MRC1: variants seen among roughly 807,000 people sequenced by gnomAD.
MRC1 encodes the protein mannose receptor C-type 1.
MRC1 carries 62 observed loss-of-function variants against 102.9 expected under a neutral mutation model. The observed-to-expected ratio is 0.60, with a 90% CI of 0.49 to 0.74. The LOEUF (loss-of-function observed/expected upper bound fraction) is 0.74, where lower values mean the gene tolerates loss of function less well. MRC1 is among the 30% of genes least tolerant of loss of function. The pLI, the probability that MRC1 is intolerant of heterozygous loss-of-function variation, is 0.00. For synonymous variants in MRC1, 457 were observed against 298.4 expected (o/e 1.53, Z -5.48); for missense variants, 1,237 against 862.8 (o/e 1.43, Z -5.43).
chr10:17,910,294 A>T lies in MRC1; in HGVS notation c.4200A>T (p.Leu1400Phe). 1.3e-6 allele frequency: 1 copy of T among 780,834 alleles called. No homozygotes were observed. Among genetic ancestry groups the T allele is most frequent in the East Asian group, 2.4e-5 (1 of 41,246 alleles). 48.4% of individuals were successfully genotyped at this position (780,834 alleles called of 1,614,324 possible). ...GVVIIVILLI[L>F]TGAGLAAYFF... Reference sequence around the variant, plus strand: ...TCATCATTGTGATCCTCCTGATTTTAACGGGTGCTGGCCTTGCCGCCTATT... The same window carrying T: ...TCATCATTGTGATCCTCCTGATTTTTACGGGTGCTGGCCTTGCCGCCTATT... The change falls in exon 30 of 30, where the codon TTA becomes TTT. Residue 1400 changes from leucine (L) to phenylalanine (F), a missense_variant. Transcript: ENST00000569591.
intron 9 of MRC1, among the ~76,000 whole-genome samples, chr10:17,858,332 G>A (rs1833125770): frequency 6.6e-6 from 1 of 152,058 alleles, no homozygotes; most frequent in Admixed American, 6.6e-5. Flanking sequence ...TGGATATGCT[G>A]GTGGTTCTCT....
intron 23 of MRC1, among the ~76,000 whole-genome samples, chr10:17,895,425 A>T (rs1833741067): frequency 6.6e-6 from 1 of 152,030 alleles, no homozygotes; most frequent in African/African-American, 2.4e-5. Flanking sequence ...TTTCTATTAG[A>T]AATTTGGGAT....
At position 17,909,174 on chromosome 10, in the gene MRC1, A is replaced by T. The variant is rs1449011110; in HGVS notation, c.4079-132A>T. 4.4e-6 allele frequency: 3 copies of T among 676,246 alleles called. No individual in the cohort carries two copies. The African/African-American group carries it at 5.5e-5, about 12-fold the overall frequency. 41.9% of individuals were successfully genotyped at this position (676,246 alleles called of 1,614,324 possible). ...TTCTACCTGTATTTTTATATCTATCATATCATAATATCATATATCAATCAA... is the reference window on the plus strand; with the variant it reads ...TTCTACCTGTATTTTTATATCTATCTTATCATAATATCATATATCAATCAA... On this transcript the variant is annotated intron_variant, in intron 28 of 29. Coordinates refer to ENST00000569591, the MANE Select transcript of MRC1 (RefSeq NM_002438.4).
chr10:17,817,578 T>C (rs981492775), intron 1 of MRC1, among the ~76,000 whole-genome samples: 4 of 152,102 alleles, frequency 2.6e-5, no homozygotes, highest in African/African-American at 9.7e-5. Context: ...TGTTGAAAAA[T>C]TAATGTGAAA....
chr10:17,831,987 T>C (rs1468971468), intron 3 of MRC1, among the ~76,000 whole-genome samples: 1 of 151,746 alleles, frequency 6.6e-6, no homozygotes, highest in East Asian at 1.9e-4. Flanking sequence ...CAACATTTGC[T>C]ATTGCTAAGC....
chr10:17,892,149 G>A (rs1252551796), intron 22 of MRC1, among the ~76,000 whole-genome samples: 5 of 152,196 alleles, frequency 3.3e-5, no homozygotes, highest in African/African-American at 7.2e-5. Flanking sequence ...ATGCTCTGTC[G>A]TATTTTAAAA....
intron 9 of MRC1, among the ~76,000 whole-genome samples, chr10:17,857,045 C>T (rs1339103642): frequency 1.3e-5 from 2 of 152,182 alleles, no homozygotes; most frequent in South Asian, 4.1e-4. Context: ...GAAGTAGAAA[C>T]TATTTTTTTC....
chr10:17,905,693 A>T (rs1833885638), intron 26 of MRC1, among the ~76,000 whole-genome samples: 1 of 152,126 alleles, frequency 6.6e-6, no homozygotes, highest in Non-Finnish European at 1.5e-5. Context: ...GTAGTCATGC[A>T]GTGAAAACAA....
chr10:17,908,365 C>T (rs1178037999), intron 28 of MRC1, among the ~76,000 whole-genome samples: 1 of 152,176 alleles, frequency 6.6e-6, no homozygotes, highest in Admixed American at 6.5e-5. Context: ...ACCTCCACCT[C>T]CTGGGTTCAA....
Position 17,862,145 on chromosome 10 carries a change from G to A in MRC1, c.1634+643G>A, listed in dbSNP as rs962916331. Among the ~76,000 whole-genome samples, 252 of 152,198 alleles carry A rather than the reference G, an allele frequency of 1.7e-3. 2 individuals are homozygous for A. The highest frequency in any genetic ancestry group is 6.8e-3 in the Middle Eastern group (2 of 294). ...TGCAGTAAAGAAGTAACAAAATTAT[G>A]GAGTTTTAGTACAATAAGTTATATT... On this transcript the variant is annotated intron_variant, in intron 10 of 29. Transcript: ENST00000569591.
chr10:17,849,755 C>T lies in MRC1; in HGVS notation c.1240C>T (p.Leu414=). The T allele has an allele frequency of 1.3e-6, 1 of 780,714 alleles. No homozygotes were observed. The highest frequency in any genetic ancestry group is 1.3e-5 in the South Asian group (1 of 74,562). The allele number at this position is 780,714 out of a possible 1,614,324, so 48.4% of individuals were successfully genotyped here. A position where few individuals can be genotyped will look rare whatever the true frequency, so the allele number is the denominator to read the frequency against. The change falls in exon 7 of 30, where the codon CTA becomes TTA. Residue 414 remains leucine (L), a synonymous_variant. Coordinates refer to ENST00000569591, the MANE Select transcript of MRC1 (RefSeq NM_002438.4). ...GGAATTGGACTTTATTATCTCCCAG[C>T]TAGGATATGGTGAGAAACTTGACAG... ...IEELDFIISQ[L]GYEPNDELWI... is the part of the protein sequence containing the mutation.
At chr10:17,871,106 C>A (rs1833349242) in intron 14 of MRC1, among the ~76,000 whole-genome samples, 171 bp downstream of exon 14, 2 of 151,848 alleles carry the variant, frequency 1.3e-5, no homozygotes, top group Admixed American at 6.6e-5. Flanking sequence ...TGTTTTATAC[C>A]CTCTTTTAGA....
At chr10:17,842,121 C>T (rs941889013) in intron 5 of MRC1, among the ~76,000 whole-genome samples, 1 of 152,134 alleles carries the variant, frequency 6.6e-6, no homozygotes, top group African/African-American at 2.4e-5. Context: ...CACCACCATG[C>T]CTGGCTAATT....
chr10:17,845,726 T>C (rs1180009870), intron 6 of MRC1, among the ~76,000 whole-genome samples: 1 of 152,124 alleles, frequency 6.6e-6, no homozygotes, highest in African/African-American at 2.4e-5. Flanking sequence ...AGGAAAAAGA[T>C]ATTCAGAGGA....
At chr10:17,816,176 T>G (rs1838309272) in intron 1 of MRC1, among the ~76,000 whole-genome samples, 1 of 152,176 alleles carries the variant, frequency 6.6e-6, no homozygotes. Flanking sequence ...GCAGGGTAAA[T>G]ATTTGTTTTT....
intron 4 of MRC1, among the ~76,000 whole-genome samples, chr10:17,834,703 C>T (rs1361013585): frequency 6.6e-6 from 1 of 152,126 alleles, no homozygotes; most frequent in South Asian, 2.1e-4. Flanking sequence ...CGTGAGCCAC[C>T]GTGCCTGGCC....
chr10:17,836,728 CG>C (rs1386161527), intron 4 of MRC1, among the ~76,000 whole-genome samples: 4 of 151,802 alleles, frequency 2.6e-5, no homozygotes, highest in African/African-American at 9.7e-5. Flanking sequence ...CCCAGCTACT[CG>C]GGAGGCTGAG....
intron 1 of MRC1, among the ~76,000 whole-genome samples, chr10:17,820,523 G>T (rs996324606): frequency 5.3e-5 from 8 of 152,106 alleles, no homozygotes; most frequent in African/African-American, 1.4e-4. Context: ...TAAAAGACTG[G>T]TTGCCAATCA....
Position 17,818,584 on chromosome 10 carries a change from G to A in MRC1, c.62-4490G>A, listed in dbSNP as rs1359973148. ...AACACGTTGGGAGGCCGAGGTGTGC[G>A]GATCACTTGAGGTCAGGAGTTCGAG... On this transcript the variant is annotated intron_variant, in intron 1 of 29. Coordinates refer to ENST00000569591, the MANE Select transcript of MRC1 (RefSeq NM_002438.4). Among the ~76,000 whole-genome samples the A allele has an allele frequency of 8.5e-5, 13 of 152,276 alleles. 2 individuals carry two copies. The highest frequency in any genetic ancestry group is 1.9e-4 in the East Asian group (1 of 5,182).
Sources: allele counts gnomAD v4.1 joint callset (sites outside exome capture counted in the v4.1 genomes callset), GRCh38; gene constraint gnomAD v4.1.1; transcripts MANE v1.5; gene names NCBI Gene and HGNC (gene_info 2026-07-23, HGNC 2026-07-21).